Variants in WDR20 observed in about 807,000 individuals in gnomAD.
The protein encoded by WDR20 is WD repeat-containing protein 20.
Under a neutral mutation model 38.7 loss-of-function variants are expected in WDR20, and 3 were observed. The observed-to-expected ratio is 0.08, with a 90% CI of 0.04 to 0.20. The LOEUF is 0.20. WDR20 is among the 10% of genes least tolerant of loss of function. The probability of loss-of-function intolerance (pLI) is 1.00; values close to 1 mark genes in which losing one functional copy is unlikely to be tolerated. For synonymous variants in WDR20, 298 were observed against 285.6 expected (o/e 1.04, Z -0.44); for missense variants, 559 against 727.7 (o/e 0.77, Z 2.67).
intron 1 of WDR20, among the ~76,000 whole-genome samples, chr14:102,168,533 G>A (rs2060205136): frequency 6.6e-6 from 1 of 151,994 alleles, no homozygotes; most frequent in East Asian, 1.9e-4. Flanking sequence ...CCAAGTATGT[G>A]TTTTTTCAAT....
downstream of WDR20, among the ~76,000 whole-genome samples, chr14:102,218,296 C>T (rs927010727): frequency 1.3e-5 from 2 of 152,208 alleles, no homozygotes; most frequent in African/African-American, 4.8e-5. Context: ...ATCCACATCC[C>T]ACAGCTGTCT....
rs927855678 is a variant in WDR20 at position 102,197,860 on chromosome 14, G to A, written c.432+2740G>A. 9 of 699,080 alleles carry A rather than the reference G, an allele frequency of 1.3e-5. No individual in the cohort carries two copies. In the African/African-American group the frequency reaches 1.6e-4, roughly 12 times the overall value. 43.3% of individuals were successfully genotyped at this position (699,080 alleles called of 1,614,324 possible). ...AGTAACTGTCCAGGTGAGAGCTGAG[G>A]GCTTGAACTAGAGTTGCGGCCATTG... On this transcript the variant is annotated intron_variant, in intron 2 of 2. Transcript: ENST00000342702.
At chr14:102,162,128 A>C (rs76688126) in intron 1 of WDR20, among the ~76,000 whole-genome samples, 3 of 152,174 alleles carry the variant, frequency 2.0e-5, no homozygotes, top group African/African-American at 7.2e-5. Flanking sequence ...AAGAAATGCA[A>C]ACTACACTGA....
At chr14:102,175,961 T>C (rs951216361) in intron 1 of WDR20, among the ~76,000 whole-genome samples, 1 of 152,172 alleles carries the variant, frequency 6.6e-6, no homozygotes, top group Non-Finnish European at 1.5e-5. Flanking sequence ...GATGAGTCTT[T>C]AGGGTTTTCT....
intron 2 of WDR20, chr14:102,197,839 A>C (rs2059662354): frequency 1.4e-6 from 1 of 702,582 alleles, no homozygotes; most frequent in Non-Finnish European, 2.6e-6. Flanking sequence ...GGCTCTAGTA[A>C]CTGTCCAGGT....
Position 102,222,835 on chromosome 14 carries a change from A to G in WDR20, c.1698A>G (p.Ser566=), listed in dbSNP as rs1339297382. The change falls in exon 4 of 4, where the codon TCA becomes TCG. Residue 566 remains serine, a synonymous_variant. Coordinates refer to the WDR20 transcript ENST00000335263. This position sits in a 1 kb window ranked among gnomAD's most constrained non-coding sequence, Gnocchi z 4.4. Reference sequence around the variant, plus strand: ...GTAGACTGCTTTGTTTGCAGGGCTCATTGTCATCCCCAAGCCAGGCCAGTT... The same window carrying G: ...GTAGACTGCTTTGTTTGCAGGGCTCGTTGTCATCCCCAAGCCAGGCCAGTT... 1.2e-6 allele frequency: 2 copies of G among 1,614,188 alleles called. No individual in the cohort carries two copies. Among genetic ancestry groups the G allele is most frequent in the Non-Finnish European group, 1.7e-6 (2 of 1,180,018 alleles).
chr14:102,180,433 C>G (rs1014335190), intron 1 of WDR20, among the ~76,000 whole-genome samples: 1 of 152,184 alleles, frequency 6.6e-6, no homozygotes, highest in Non-Finnish European at 1.5e-5. Context: ...AGAGCTTTCT[C>G]TATATAACAT....
At chr14:102,174,945 G>C (rs929095200) in intron 1 of WDR20, among the ~76,000 whole-genome samples, 1 of 152,040 alleles carries the variant, frequency 6.6e-6, no homozygotes, top group African/African-American at 2.4e-5. Context: ...GTTTCTTATA[G>C]ATTCTAGATA....
intron 1 of WDR20, among the ~76,000 whole-genome samples, chr14:102,180,445 T>A (rs1270950940): frequency 6.6e-6 from 1 of 152,198 alleles, no homozygotes; most frequent in Non-Finnish European, 1.5e-5. Context: ...ATATAACATA[T>A]CACTTTACAC....
intron 1 of WDR20, among the ~76,000 whole-genome samples, chr14:102,175,319 C>G (rs1460007067): frequency 6.6e-6 from 1 of 152,118 alleles, no homozygotes; most frequent in Admixed American, 6.5e-5. Context: ...CTTTTCCCCA[C>G]TTTATGTTTT....
At chr14:102,155,393 C>T (rs968274257) in intron 1 of WDR20, among the ~76,000 whole-genome samples, 5 of 152,126 alleles carry the variant, frequency 3.3e-5, no homozygotes, top group Admixed American at 2.6e-4. Flanking sequence ...TGGAGCCCTG[C>T]AAGGATAAGG....
chr14:102,210,675 G>C (rs577513406), downstream of WDR20: 1 of 452,216 alleles, frequency 2.2e-6, no homozygotes, highest in Non-Finnish European at 2.9e-6. Flanking sequence ...CTTTTCTTCA[G>C]ATGCACTTTG....
At chr14:102,179,927 C>T (rs1223079751) in intron 1 of WDR20, among the ~76,000 whole-genome samples, 7 of 152,052 alleles carry the variant, frequency 4.6e-5, no homozygotes, top group Non-Finnish European at 8.8e-5. Context: ...CCGAGGCAGG[C>T]GGATCACTTG....
Position 102,145,989 on chromosome 14 carries a change from G to T in WDR20, c.249+5817G>T, listed in dbSNP as rs1343068402. ...AGCTTATATGATTCTGTACTCAGTT[G>T]TTTTTTTTTTTTTTAAATGGAAATG... On this transcript the variant is annotated intron_variant, in intron 1 of 2. Transcript: ENST00000342702. Among the ~76,000 whole-genome samples, 26 of 135,590 alleles carry T rather than the reference G, an allele frequency of 1.9e-4. No individual in the cohort carries two copies. In the Middle Eastern group the frequency reaches 0.012, roughly 60 times the overall value. The allele number at this position is 135,590 out of a possible 152,430, so 89.0% of individuals were successfully genotyped here.
chr14:102,155,032 T>A (rs2152741347), intron 1 of WDR20, among the ~76,000 whole-genome samples: 2 of 152,346 alleles, frequency 1.3e-5, no homozygotes, highest in Middle Eastern at 6.8e-3. Context: ...AGTTCTGAGT[T>A]TAAAATAGAC....
downstream of WDR20, among the ~76,000 whole-genome samples, chr14:102,217,631 G>A (rs79199645): frequency 4.6e-3 from 703 of 152,352 alleles, 6 homozygotes; most frequent in African/African-American, 0.016. Flanking sequence ...TCCCGGCTCT[G>A]TGGCTCACGT....
At chr14:102,171,715 G>A (rs932446109) in intron 1 of WDR20, among the ~76,000 whole-genome samples, 4 of 151,472 alleles carry the variant, frequency 2.6e-5, no homozygotes, top group Admixed American at 1.3e-4. Flanking sequence ...TAAAAATAAC[G>A]GTGGAAATAC....
intron 1 of WDR20, chr14:102,193,540 G>A: frequency 6.2e-7 from 1 of 1,609,554 alleles, no homozygotes; most frequent in Non-Finnish European, 8.5e-7. Flanking sequence ...TGTCCGCATG[G>A]CATGCACCCT....
rs35441566 is a variant in WDR20, at chr14:102,152,420, C to CTT, written c.249+12260_249+12261dup. Among the ~76,000 whole-genome samples, 286 of 145,230 alleles carry CTT rather than the reference C, an allele frequency of 2.0e-3. 2 individuals carry two copies. Among genetic ancestry groups the CTT allele is most frequent in the Middle Eastern group, 0.011 (3 of 274 alleles). ...TGCTAACAGATTATGCAGGGTCTCT[C>CTT]TTTTTTTTTTTTTGAGACAGAGTCT... is the stretch of plus-strand genomic sequence containing the variant. On this transcript the variant is annotated intron_variant, in intron 1 of 2. Coordinates refer to ENST00000342702, the MANE Select transcript of WDR20 (RefSeq NM_144574.4).
Sources: gnomAD v4.1 joint callset for allele counts (sites outside exome capture counted in the v4.1 genomes callset) on GRCh38, gnomAD v4.1.1 for gene constraint, Gnocchi (gnomAD v3.1) non-coding constraint, MANE v1.5 for transcripts, NCBI Gene and HGNC (gene_info 2026-07-23, HGNC 2026-07-21) for gene names.